The following RHBDL2 variants were observed in gnomAD, a reference collection of about 807,000 sequenced individuals.
RHBDL2 encodes rhomboid like 2.
A neutral mutation model predicts 31.7 loss-of-function variants in RHBDL2; 26 were observed. The observed-to-expected ratio is 0.82, with a 90% CI of 0.60 to 1.14. The LOEUF is 1.14. Among genes scored for constraint, RHBDL2 ranks in the 50% most tolerant of loss-of-function variants. RHBDL2 has a pLI of 0.00. For synonymous variants in RHBDL2, 123 were observed against 127.2 expected, an observed-to-expected ratio of 0.97 and a Z score of 0.22; for missense variants, 336 against 364.4, an observed-to-expected ratio of 0.92 and a Z score of 0.63.
rs187136541 is a variant in RHBDL2, at chr1:38,900,963, G to A, written c.509-4894C>T. Among the ~76,000 whole-genome samples, 97 of 151,556 alleles carry A rather than the reference G, an allele frequency of 6.4e-4. No homozygotes were observed. The East Asian group carries it at 0.014, about 22-fold the overall frequency. The stretch of plus-strand genomic sequence containing the variant: ...CTTGGGAGGCTCAGGCAGGAGCACC[G>A]CTTGAACCCAGGAGGCAGAGGCTAC... On this transcript the variant is annotated intron_variant, in intron 4 of 7. Coordinates refer to ENST00000372990, the MANE Select transcript of RHBDL2 (RefSeq NM_017821.5).
chr1:38,906,964 A>C (rs1295178847), intron 4 of RHBDL2, among the ~76,000 whole-genome samples: 2 of 152,222 alleles, frequency 1.3e-5, no homozygotes, highest in Non-Finnish European at 1.5e-5. Context: ...AATTTTCAAA[A>C]TGAAGAATAA....
chr1:38,932,026 C>T (rs936228580), intron 1 of RHBDL2, among the ~76,000 whole-genome samples: 3 of 152,116 alleles, frequency 2.0e-5, no homozygotes, highest in Admixed American at 6.6e-5. Context: ...TTTGCAGGGC[C>T]GGGCCTTAAC....
chr1:38,917,092 A>T (rs1407731354), intron 2 of RHBDL2, among the ~76,000 whole-genome samples: 2 of 137,942 alleles, frequency 1.4e-5, no homozygotes, highest in Non-Finnish European at 3.0e-5. Context: ...ATCTCAGCTC[A>T]CTGCAAGTTC....
At chr1:38,934,677 G>A (rs1643473143) in intron 1 of RHBDL2, among the ~76,000 whole-genome samples, 1 of 135,608 alleles carries the variant, frequency 7.4e-6, no homozygotes, top group Non-Finnish European at 1.6e-5. Flanking sequence ...AAAAAAAATG[G>A]CTGGGCGCGG....
chr1:38,919,263 C>T lies in RHBDL2; in HGVS notation c.-51G>A. 5.6e-6 allele frequency: 9 copies of T among 1,613,350 alleles called. No individual in the cohort carries two copies. The highest frequency in any genetic ancestry group is 2.2e-5 in the South Asian group (2 of 91,006). On this transcript the variant is annotated 5_prime_UTR_variant, in exon 2 of 8. Coordinates refer to ENST00000372990, the MANE Select transcript of RHBDL2 (RefSeq NM_017821.5). ...GAAGGACATGAATCCCAGGGAACAG[C>T]AGGTGGCCCTAGGTCCTCAGGCTGC...
In RHBDL2 at chr1:38,896,036, C is replaced by G. The variant is rs559162886; in HGVS notation, c.542G>C (p.Arg181Thr). 8 of 1,613,922 alleles carry G rather than the reference C, an allele frequency of 5.0e-6. No homozygotes were observed. In the East Asian group the frequency reaches 1.8e-4, roughly 36 times the overall value. ...TCCTCCTGAAGCTCCCACAAGATAT[C>G]TGAGTGGGTCAAAGATGGAGCTGGC... ...SLASSIFDPL[R>T]YLVGASGGVY... is the part of the protein sequence containing the mutation. Residue 181 changes from arginine (R) to threonine (T), a missense_variant, in exon 5 of 8, where the codon AGA (arginine) becomes ACA (threonine). Coordinates refer to ENST00000372990, the MANE Select transcript of RHBDL2 (RefSeq NM_017821.5).
intron 3 of RHBDL2, among the ~76,000 whole-genome samples, chr1:38,913,383 C>A (rs1643183340): frequency 6.6e-6 from 1 of 152,160 alleles, no homozygotes; most frequent in African/African-American, 2.4e-5. Flanking sequence ...TTGCTCAGAA[C>A]ATACTTGTTA....
chr1:38,912,352 G>A (rs532801797), intron 3 of RHBDL2, among the ~76,000 whole-genome samples: 6 of 151,112 alleles, frequency 4.0e-5, no homozygotes, highest in Admixed American at 2.0e-4. Flanking sequence ...TGATCCACCC[G>A]CCTTGGCCTC....
chr1:38,931,155 A>C (rs1396414615), intron 1 of RHBDL2, among the ~76,000 whole-genome samples: 1 of 152,180 alleles, frequency 6.6e-6, no homozygotes, highest in Non-Finnish European at 1.5e-5. Flanking sequence ...GTATCTTTTC[A>C]TGTACAGCCA....
At chr1:38,936,789 C>T (rs897323479) in intron 1 of RHBDL2, among the ~76,000 whole-genome samples, 5 of 151,714 alleles carry the variant, frequency 3.3e-5, no homozygotes, top group African/African-American at 9.7e-5. Flanking sequence ...TGTGAGCCAC[C>T]GTGCCCAGCA....
At chr1:38,887,343 G>A (rs902796462) in intron 7 of RHBDL2, among the ~76,000 whole-genome samples, 4 of 152,144 alleles carry the variant, frequency 2.6e-5, no homozygotes, top group African/African-American at 9.7e-5. Flanking sequence ...AGCTCCCCAA[G>A]TAGCTGGGAC....
chr1:38,924,086 CA>C (rs555060501), intron 1 of RHBDL2, among the ~76,000 whole-genome samples: 47 of 141,428 alleles, frequency 3.3e-4, no homozygotes, highest in South Asian at 4.6e-4. Flanking sequence ...ATTCTTTTTT[CA>C]AAAAAAAAAA....
At position 38,900,482 on chromosome 1, in the gene RHBDL2, A is replaced by T. The variant is rs1280848870; in HGVS notation, c.509-4413T>A. ...CTAAAAACACAAAAATTAGCCAGGC[A>T]TGGTGGTGCATGCCTATAATCCCAG... On this transcript the variant is annotated intron_variant, in intron 4 of 7. Coordinates refer to ENST00000372990, the MANE Select transcript of RHBDL2 (RefSeq NM_017821.5). Among the ~76,000 whole-genome samples the T allele has an allele frequency of 3.3e-5, 5 of 152,152 alleles. No individual in the cohort carries two copies. The South Asian group carries it at 1.0e-3, about 32-fold the overall frequency.
At chr1:38,920,166 C>CTTTTTT (rs71057165) in intron 1 of RHBDL2, among the ~76,000 whole-genome samples, 64 of 111,360 alleles carry the variant, frequency 5.7e-4, no homozygotes, top group African/African-American at 7.4e-4. Flanking sequence ...CACATGTTTT[C>CTTTTTT]TTTTTTTTTT....
At chr1:38,909,989 A>G (rs1643118750) in intron 4 of RHBDL2, among the ~76,000 whole-genome samples, 1 of 152,230 alleles carries the variant, frequency 6.6e-6, no homozygotes, top group South Asian at 2.1e-4. Flanking sequence ...GCAGTGCTAT[A>G]TCCATTTTAT....
chr1:38,926,390 G>T, intron 1 of RHBDL2: 1 of 165,624 alleles, frequency 6.0e-6, no homozygotes, highest in Non-Finnish European at 1.3e-5. Context: ...GGAATTTGGT[G>T]TAATTCTAGG....
chr1:38,929,548 T>C, intron 1 of RHBDL2: 2 of 1,289,302 alleles, frequency 1.6e-6, no homozygotes, highest in Non-Finnish European at 2.0e-6. Context: ...TTGTTTTTTC[T>C]AAACAGCTGG....
At chr1:38,904,124 A>G (rs116139330) in intron 4 of RHBDL2, among the ~76,000 whole-genome samples, 1,890 of 152,326 alleles carry the variant, frequency 0.012, 43 homozygotes, top group African/African-American at 0.041. Context: ...AACTTCTAGG[A>G]GAAAACATGG....
At position 38,889,133 on chromosome 1, in the gene RHBDL2, G is replaced by A. The variant is rs555998133; in HGVS notation, c.671-1109C>T. 5.2e-4 allele frequency among the ~76,000 whole-genome samples: 79 copies of A among 152,202 alleles called. No individual in the cohort carries two copies. The Middle Eastern group carries it at 0.014, about 26-fold the overall frequency. ...TTTATGACAGAGTCTCAACTCTGTC[G>A]CCCAGGCTGGAATGCAGTAGTGCAA... On this transcript the variant is annotated intron_variant, in intron 6 of 7. Transcript: ENST00000372990.
Sources: allele counts gnomAD v4.1 joint callset (sites outside exome capture counted in the v4.1 genomes callset), GRCh38; gene constraint gnomAD v4.1.1; transcripts MANE v1.5; gene names NCBI Gene and HGNC (gene_info 2026-07-23, HGNC 2026-07-21).